Variants in COL19A1 observed in about 807,000 individuals in gnomAD.
COL19A1 encodes the protein collagen type XIX alpha 1 chain, also known as collagen alpha-1(XIX) chain.
In COL19A1, 159 loss-of-function variants were observed where a neutral mutation model predicts 190.2. The ratio of observed to expected loss-of-function variants is 0.84; its 90% CI spans 0.73 to 0.95. COL19A1 has a LOEUF of 0.95. Among genes scored for constraint, COL19A1 ranks in the 40% least tolerant of loss-of-function variants. COL19A1 has a pLI of 0.00. For missense variants in COL19A1, 1,418 were observed against 1,431.9 expected, an observed-to-expected ratio of 0.99 and a Z score of 0.16; for synonymous variants, 509 against 458.9, an observed-to-expected ratio of 1.11 and a Z score of -1.39.
chr6:69,908,953 A>G (rs1250749420), intron 4 of COL19A1, among the ~76,000 whole-genome samples: 3 of 152,164 alleles, frequency 2.0e-5, no homozygotes, highest in Admixed American at 2.0e-4. Flanking sequence ...AATCTTATAA[A>G]ATTAAAATAT....
At chr6:70,126,336 T>C (rs1785194032) in intron 17 of COL19A1, among the ~76,000 whole-genome samples, 1 of 152,144 alleles carries the variant, frequency 6.6e-6, no homozygotes. Context: ...TAGGCTCCCT[T>C]GGAGACACTG....
chr6:70,176,216 A>G (rs1484835220), intron 41 of COL19A1, among the ~76,000 whole-genome samples: 3 of 152,222 alleles, frequency 2.0e-5, no homozygotes, highest in African/African-American at 7.2e-5. Context: ...TGACTAATTT[A>G]ACTATAAGTA....
chr6:70,122,011 A>C, intron 17 of COL19A1, 69 bp downstream of exon 17: 2 of 1,023,058 alleles, frequency 2.0e-6, no homozygotes, highest in Non-Finnish European at 2.9e-6. Context: ...TTGAAAAAAA[A>C]CTTATTAATT....
intron 40 of COL19A1, among the ~76,000 whole-genome samples, chr6:70,171,340 A>G (rs1765488677): frequency 6.6e-6 from 1 of 152,132 alleles, no homozygotes; most frequent in Non-Finnish European, 1.5e-5. Context: ...TTGAGGATCT[A>G]CAGGCTCCAG....
chr6:70,057,888 G>T (rs1398431260), intron 14 of COL19A1, among the ~76,000 whole-genome samples: 1 of 152,066 alleles, frequency 6.6e-6, no homozygotes, highest in Admixed American at 6.6e-5. Flanking sequence ...AATCTTAGCA[G>T]TCATTCATCC....
intron 11 of COL19A1, among the ~76,000 whole-genome samples, chr6:69,964,364 A>G (rs2150048303): frequency 6.6e-6 from 1 of 152,304 alleles, no homozygotes; most frequent in Non-Finnish European, 1.5e-5. Flanking sequence ...TTGCTTTAGA[A>G]TAACAGCCAT....
intron 47 of COL19A1, among the ~76,000 whole-genome samples, chr6:70,189,307 A>G (rs1489571516): frequency 6.6e-6 from 1 of 152,216 alleles, no homozygotes; most frequent in Non-Finnish European, 1.5e-5. Context: ...GAATGTTTAT[A>G]ATAAATTAAG....
chr6:69,890,840 C>A (rs926407954), intron 2 of COL19A1: 1 of 154,664 alleles, frequency 6.5e-6, no homozygotes, highest in Non-Finnish European at 1.4e-5. Context: ...TCTCCAAGGA[C>A]CCCCTCCCAC....
At chr6:70,160,536 AT>A (rs1307215529) in intron 34 of COL19A1, among the ~76,000 whole-genome samples, 1 of 152,138 alleles carries the variant, frequency 6.6e-6, no homozygotes, top group Non-Finnish European at 1.5e-5. Flanking sequence ...AAGCAAATTC[AT>A]TTGGCAGCCC....
intron 15 of COL19A1, among the ~76,000 whole-genome samples, chr6:70,095,109 T>C (rs1783164808): frequency 6.6e-6 from 1 of 152,194 alleles, no homozygotes; most frequent in Non-Finnish European, 1.5e-5. Flanking sequence ...TAACTTCTAA[T>C]AGGATAGATT....
chr6:70,065,263 T>C (rs1194298018), intron 14 of COL19A1, among the ~76,000 whole-genome samples: 1 of 152,070 alleles, frequency 6.6e-6, no homozygotes, highest in Non-Finnish European at 1.5e-5. Context: ...AACAGAGATA[T>C]AGACCAACGG....
intron 14 of COL19A1, among the ~76,000 whole-genome samples, chr6:70,045,496 C>T (rs998268471): frequency 1.3e-5 from 2 of 151,968 alleles, no homozygotes; most frequent in Admixed American, 6.6e-5. Flanking sequence ...ACTCTGAATT[C>T]CATTTTTTCT....
intron 14 of COL19A1, among the ~76,000 whole-genome samples, chr6:70,056,043 G>A (rs1582796213): frequency 6.6e-6 from 1 of 152,034 alleles, no homozygotes; most frequent in East Asian, 1.9e-4. Context: ...TAAGCCATCT[G>A]CAGAATTCCC....
intron 4 of COL19A1, among the ~76,000 whole-genome samples, chr6:69,901,682 T>A (rs2149975103): frequency 6.6e-6 from 1 of 152,348 alleles, no homozygotes; most frequent in Admixed American, 6.5e-5. Context: ...TGTATATATT[T>A]AGATGTTTCT....
Position 70,144,243 on chromosome 6 carries a change from C to T in COL19A1, c.1660C>T (p.Gln554Ter). The T allele has an allele frequency of 1.2e-6, 2 of 1,612,240 alleles. No homozygotes were observed. The highest frequency in any genetic ancestry group is 1.7e-6 in the Non-Finnish European group (2 of 1,178,806). Reference protein sequence around the residue: ...LPGEHGIPGKQGIKGEKGDPG... With the variant: ...LPGEHGIPGK ...AGGAGAACATGGTATCCCAGGAAAACAAGGCATTAAAGGAGAAAAGGTATA... is the reference window on the plus strand; with the variant it reads ...AGGAGAACATGGTATCCCAGGAAAATAAGGCATTAAAGGAGAAAAGGTATA... The change falls in exon 24 of 51, where the codon CAA becomes TAA. Residue 554 changes from glutamine (Q) to a stop codon, truncating the protein, a stop_gained. Transcript: ENST00000620364. LOFTEE classifies it high-confidence loss of function.
intron 49 of COL19A1, among the ~76,000 whole-genome samples, chr6:70,201,003 G>T (rs896344533): frequency 6.6e-6 from 1 of 152,150 alleles, no homozygotes; most frequent in Non-Finnish European, 1.5e-5. Flanking sequence ...AGCCCTCTAT[G>T]TATACACTAT....
intron 9 of COL19A1, among the ~76,000 whole-genome samples, chr6:69,938,820 G>A (rs1451890517): frequency 6.6e-6 from 1 of 152,058 alleles, no homozygotes; most frequent in Non-Finnish European, 1.5e-5. Context: ...AAACTTAACT[G>A]TAATGTTTCT....
intron 34 of COL19A1, among the ~76,000 whole-genome samples, chr6:70,161,307 C>T (rs1787786405): frequency 6.6e-6 from 1 of 152,134 alleles, no homozygotes; most frequent in Non-Finnish European, 1.5e-5. Context: ...GGCATTCTGC[C>T]AATCTAAAAT....
chr6:69,899,039 T>C lies in COL19A1; in HGVS notation c.166+17T>C, dbSNP rs781381102. The C allele has an allele frequency of 3.9e-6, 6 of 1,531,420 alleles. No homozygotes were observed. The highest frequency in any genetic ancestry group is 3.4e-5 in the Admixed American group (2 of 59,120). The allele number at this position is 1,531,420 out of a possible 1,614,324, so 94.9% of individuals were successfully genotyped here. A position where few individuals can be genotyped will look rare whatever the true frequency, so the allele number is the denominator to read the frequency against. Reference sequence around the variant, plus strand: ...AAGTTTCAGGTAGGCAATATAATCCTTTGCAAAGTAATATTTTATGTAAAA... The same window carrying C: ...AAGTTTCAGGTAGGCAATATAATCCCTTGCAAAGTAATATTTTATGTAAAA... On this transcript the variant is annotated intron_variant, in intron 3 of 50. Transcript: ENST00000620364.
Sources: gnomAD v4.1 joint callset for allele counts (sites outside exome capture counted in the v4.1 genomes callset) on GRCh38, gnomAD v4.1.1 for gene constraint, MANE v1.5 for transcripts, NCBI Gene and HGNC (gene_info 2026-07-23, HGNC 2026-07-21) for gene names.